RSF1: variants seen among roughly 807,000 people sequenced by gnomAD.
RSF1 encodes the protein remodeling and spacing factor 1, also known as HBV pX-associated protein 8.
RSF1 carries 13 observed loss-of-function variants against 145.2 expected under a neutral mutation model. The ratio of observed to expected loss-of-function variants is 0.09; its 90% CI spans 0.06 to 0.14. The LOEUF is 0.14. Ranked by LOEUF, RSF1 falls within the 10% of genes least tolerant of loss-of-function variation. RSF1 has a pLI of 1.00. For missense variants in RSF1, 1,517 were observed against 1,718.2 expected, an observed-to-expected ratio of 0.88 and a Z score of 2.07; for synonymous variants, 577 against 592.6, an observed-to-expected ratio of 0.97 and a Z score of 0.38.
At position 77,820,689 on chromosome 11, in the gene RSF1, G is replaced by A. The variant is rs1418348108; in HGVS notation, c.26C>T (p.Ala9Val). ...CGGGCAGCCCGGAGGAGCCATCACC[G>A]CCGCCGCTGCCGCCGCCGTCGCCAT... Reference protein sequence around the residue: MATAAAAAAVMAPPGCPGS... With the variant: MATAAAAAVVMAPPGCPGS... Residue 9 changes from alanine to valine, a missense_variant, in exon 1 of 16, where the codon GCG becomes GTG. Ala to Val is a moderately conservative substitution (Grantham distance 64). Coordinates refer to ENST00000308488, the MANE Select transcript of RSF1 (RefSeq NM_016578.4). 1.3e-6 allele frequency: 2 copies of A among 1,549,308 alleles called. No individual in the cohort carries two copies. Among genetic ancestry groups the A allele is most frequent in the Non-Finnish European group, 1.7e-6 (2 of 1,147,894 alleles).
At chr11:77,764,360 G>T in intron 2 of RSF1, 1 of 411,718 alleles carries the variant, frequency 2.4e-6, no homozygotes, top group South Asian at 3.6e-5. Flanking sequence ...AAAGTCCTGA[G>T]CACAGTGTTA....
chr11:77,844,549 A>G, the RSF1 span, among the ~76,000 whole-genome samples: 1 of 151,754 alleles, frequency 6.6e-6, no homozygotes, highest in African/African-American at 2.4e-5. Context: ...TTTTATAGAG[A>G]TGAGGTCTCA....
At chr11:77,695,573 C>A (rs535839030) in intron 7 of RSF1, among the ~76,000 whole-genome samples, 3 of 152,118 alleles carry the variant, frequency 2.0e-5, no homozygotes, top group East Asian at 3.9e-4. Context: ...GTCCTTAGGA[C>A]TTGCCTGCAT....
At chr11:77,746,071 T>C (rs1947996577) in intron 3 of RSF1, among the ~76,000 whole-genome samples, 1 of 152,120 alleles carries the variant, frequency 6.6e-6, no homozygotes, top group Non-Finnish European at 1.5e-5. Flanking sequence ...TATACTAAAG[T>C]ATTACATACA....
chr11:77,683,660 C>A, intron 11 of RSF1, 50 bp downstream of exon 11: 1 of 1,232,694 alleles, frequency 8.1e-7, no homozygotes, highest in Non-Finnish European at 1.2e-6. Context: ...ATGCTGTGTA[C>A]TTGCAAAATA....
intron 1 of RSF1, among the ~76,000 whole-genome samples, chr11:77,804,105 T>C (rs150579855): frequency 2.6e-5 from 4 of 152,200 alleles, no homozygotes; most frequent in Middle Eastern, 3.4e-3. Context: ...CTGAGCAGTT[T>C]CCTGACTGGT....
Position 77,702,181 on chromosome 11 carries a change from T to C in RSF1, c.1048A>G (p.Arg350Gly). 2 of 1,614,150 alleles carry C rather than the reference T, an allele frequency of 1.2e-6. No individual in the cohort carries two copies. The highest frequency in any genetic ancestry group is 1.7e-6 in the Non-Finnish European group (2 of 1,180,006). ...MEKPVAQEPE[R>G]IEFGGNIKSS... ...TTAATATTGCCACCAAATTCGATCC[T>C]TTCAGGCTCCTGTGCCACTGGCTTC... Residue 350 changes from arginine to glycine, a missense_variant, in exon 6 of 16, where the codon AGG (arginine) becomes GGG (glycine). Arg to Gly is a moderately radical substitution (Grantham distance 125, BLOSUM62 -2). Coordinates refer to ENST00000308488, the MANE Select transcript of RSF1 (RefSeq NM_016578.4).
At position 77,664,837 on chromosome 11, in the gene RSF1, C is replaced by T. The variant is rs1434197669; in HGVS notation, c.*2080G>A. ...GGAGACTGTTAAGTAAATGTAGCTC[C>T]TTACACAGCCCTGCTTTACTGTCTG... On this transcript the variant is annotated 3_prime_UTR_variant, in exon 16 of 16. Coordinates refer to ENST00000308488, the MANE Select transcript of RSF1 (RefSeq NM_016578.4). 2 of 152,196 alleles carry T rather than the reference C, an allele frequency of 1.3e-5. No homozygotes were observed. The highest frequency in any genetic ancestry group is 2.9e-5 in the Non-Finnish European group (2 of 68,040). 9.4% of individuals were successfully genotyped at this position (152,196 alleles called of 1,614,324 possible).
chr11:77,774,105 C>G (rs1948315768), intron 1 of RSF1, among the ~76,000 whole-genome samples: 1 of 152,208 alleles, frequency 6.6e-6, no homozygotes, highest in Admixed American at 6.5e-5. Flanking sequence ...TCTTCTTTCT[C>G]TCTCACCCTT....
intron 2 of RSF1, chr11:77,761,990 A>C: frequency 7.1e-6 from 1 of 141,574 alleles, no homozygotes; most frequent in Admixed American, 7.0e-5. Context: ...ATGCACCACC[A>C]CACCCAGCTA....
At chr11:77,838,224 CTGTT>C in the RSF1 span, among the ~76,000 whole-genome samples, 4 of 117,386 alleles carry the variant, frequency 3.4e-5, no homozygotes, top group Non-Finnish European at 8.5e-5. Flanking sequence ...TAGACTGTGA[CTGTT>C]AGTTTTATGT....
At chr11:77,776,531 G>A (rs1003129199) in intron 1 of RSF1, among the ~76,000 whole-genome samples, 6 of 152,090 alleles carry the variant, frequency 3.9e-5, no homozygotes, top group Non-Finnish European at 7.4e-5. Context: ...AAAGCAGAAC[G>A]AAATGAGCTC....
At chr11:77,781,100 T>C (rs187131367) in intron 1 of RSF1, among the ~76,000 whole-genome samples, 75 of 145,972 alleles carry the variant, frequency 5.1e-4, no homozygotes, top group African/African-American at 1.6e-3. Context: ...AATGTTTGAA[T>C]TGTCTTTTTT....
chr11:77,797,918 C>T (rs1341479790), intron 1 of RSF1, among the ~76,000 whole-genome samples: 1 of 152,214 alleles, frequency 6.6e-6, no homozygotes, highest in African/African-American at 2.4e-5. Flanking sequence ...CTCATCATCA[C>T]TGGTCATTAG....
intron 1 of RSF1, among the ~76,000 whole-genome samples, chr11:77,812,675 C>G (rs1948742353): frequency 6.6e-6 from 1 of 152,062 alleles, no homozygotes; most frequent in African/African-American, 2.4e-5. Flanking sequence ...CACTTGAGGT[C>G]AGGAGTTTTT....
chr11:77,711,555 G>A (rs967764782), intron 5 of RSF1, among the ~76,000 whole-genome samples: 3 of 152,068 alleles, frequency 2.0e-5, no homozygotes, highest in Non-Finnish European at 4.4e-5. Context: ...TGTAATCCCA[G>A]CTACTCAGGA....
At chr11:77,771,396 G>C (rs998524587) in intron 1 of RSF1, among the ~76,000 whole-genome samples, 3 of 152,260 alleles carry the variant, frequency 2.0e-5, no homozygotes, top group African/African-American at 7.2e-5. Context: ...AAGGGAGCAT[G>C]CCAGGCAAAA....
chr11:77,868,822 C>T, the RSF1 span: 7 of 211,424 alleles, frequency 3.3e-5, no homozygotes, highest in South Asian at 2.0e-4. Context: ...AATTTGAACC[C>T]GGGTACCTTT....
intron 1 of RSF1, among the ~76,000 whole-genome samples, chr11:77,817,911 A>G (rs1948797216): frequency 6.6e-6 from 1 of 152,190 alleles, no homozygotes. Context: ...GGTTCACCCA[A>G]CAAGCCAACT....
Sources: gnomAD v4.1 joint callset for allele counts (sites outside exome capture counted in the v4.1 genomes callset) on GRCh38, gnomAD v4.1.1 for gene constraint, MANE v1.5 for transcripts, NCBI Gene and HGNC (gene_info 2026-07-23, HGNC 2026-07-21) for gene names.